TTLL5: variants seen among roughly 807,000 people sequenced by gnomAD.
TTLL5 encodes the protein tubulin polyglutamylase TTLL5.
TTLL5 carries 132 observed loss-of-function variants against 168.4 expected under a neutral mutation model. The ratio of observed to expected loss-of-function variants is 0.78; its 90% CI spans 0.68 to 0.91. The LOEUF is 0.91. Ranked by LOEUF, TTLL5 falls within the 40% of genes least tolerant of loss-of-function variation. The probability of loss-of-function intolerance (pLI) is 0.00; values close to 1 mark genes in which losing one functional copy is unlikely to be tolerated. For missense variants in TTLL5, 1,545 were observed against 1,581.5 expected, an observed-to-expected ratio of 0.98 and a Z score of 0.39; for synonymous variants, 546 against 558.6, an observed-to-expected ratio of 0.98 and a Z score of 0.32.
intron 31 of TTLL5, among the ~76,000 whole-genome samples, chr14:75,905,858 T>C (rs1245193180): frequency 6.6e-6 from 1 of 152,208 alleles, no homozygotes; most frequent in African/African-American, 2.4e-5. Context: ...GCCTTTCCTG[T>C]TCTGGAGCCC....
At chr14:75,741,465 G>A (rs1350261563) in intron 15 of TTLL5, among the ~76,000 whole-genome samples, 6 of 149,802 alleles carry the variant, frequency 4.0e-5, no homozygotes, top group Non-Finnish European at 8.9e-5. Context: ...AATGACTTGC[G>A]TTTGGACTGT....
intron 31 of TTLL5, among the ~76,000 whole-genome samples, chr14:75,920,177 T>C (rs956664946): frequency 6.6e-6 from 1 of 151,822 alleles, no homozygotes; most frequent in Non-Finnish European, 1.5e-5. Flanking sequence ...GCCCACAGAG[T>C]GGCAGAAATT....
At chr14:75,823,702 G>A (rs1385973186) in intron 28 of TTLL5, among the ~76,000 whole-genome samples, 2 of 152,202 alleles carry the variant, frequency 1.3e-5, no homozygotes, top group Admixed American at 6.5e-5. Flanking sequence ...TGCAGAAAGA[G>A]CACAGCTGTG....
intron 31 of TTLL5, among the ~76,000 whole-genome samples, chr14:75,937,877 G>A (rs1022809602): frequency 2.0e-5 from 3 of 152,164 alleles, no homozygotes; most frequent in Non-Finnish European, 4.4e-5. Flanking sequence ...ATACACAGAA[G>A]TGGAATTGCT....
At chr14:75,777,164 C>T (rs1891763340) in intron 23 of TTLL5, among the ~76,000 whole-genome samples, 1 of 152,194 alleles carries the variant, frequency 6.6e-6, no homozygotes, top group African/African-American at 2.4e-5. Context: ...AATTATGTTG[C>T]TATTTTCATG....
At chr14:75,891,884 G>T (rs1410057583) in intron 30 of TTLL5, among the ~76,000 whole-genome samples, 2 of 152,132 alleles carry the variant, frequency 1.3e-5, no homozygotes, top group Non-Finnish European at 2.9e-5. Context: ...CTTATGTCTT[G>T]GAGTTGTTCA....
chr14:75,894,795 T>C (rs2032573664), intron 30 of TTLL5, among the ~76,000 whole-genome samples: 1 of 152,086 alleles, frequency 6.6e-6, no homozygotes, highest in Non-Finnish European at 1.5e-5. Flanking sequence ...AATTATGAAA[T>C]ACTAATCAGA....
chr14:75,736,736 C>A (rs1019359546), intron 15 of TTLL5, among the ~76,000 whole-genome samples: 19 of 152,134 alleles, frequency 1.2e-4, no homozygotes, highest in Middle Eastern at 3.2e-3. Context: ...CTATCTATGA[C>A]CCCGTGCTGC....
In TTLL5 at chr14:75,771,826, G is replaced by A. The variant is rs1891340387; in HGVS notation, c.2108G>A (p.Ser703Asn). The A allele has an allele frequency of 6.2e-7, 1 of 1,613,862 alleles. No individual in the cohort carries two copies. Among genetic ancestry groups the A allele is most frequent in the Non-Finnish European group, 8.5e-7 (1 of 1,179,910 alleles). Residue 703 changes from serine (S) to asparagine (N), a missense_variant, in exon 21 of 32, where the codon AGT (serine) becomes AAT (asparagine). By Grantham distance (46) the Ser-to-Asn change is conservative. Transcript: ENST00000298832. ...AGTGGCGGTCAGACGTTCAGTGCCA[G>A]TTGGGCTGCCAAAGAGGATGAACAG... ...KDSGGQTFSA[S>N]WAAKEDEQME...
intron 11 of TTLL5, 69 bp from the exon 12 acceptor site, chr14:75,720,527 A>C (rs557790961): frequency 8.6e-7 from 1 of 1,158,414 alleles, no homozygotes; most frequent in Non-Finnish European, 1.3e-6. Flanking sequence ...TTATATTGTT[A>C]TCTGGAATCC....
At chr14:75,726,072 A>C (rs1888171868) in intron 12 of TTLL5, among the ~76,000 whole-genome samples, 2 of 152,214 alleles carry the variant, frequency 1.3e-5, no homozygotes, top group South Asian at 4.1e-4. Flanking sequence ...TGCCTCAGGG[A>C]CCACAGCTTC....
At chr14:75,950,767 A>C (rs951674045) in intron 31 of TTLL5, among the ~76,000 whole-genome samples, 3 of 152,148 alleles carry the variant, frequency 2.0e-5, no homozygotes, top group Non-Finnish European at 2.9e-5. Flanking sequence ...CAGGAGTTCC[A>C]GAGCAGCCTG....
intron 15 of TTLL5, among the ~76,000 whole-genome samples, chr14:75,743,706 C>T (rs987041197): frequency 2.6e-5 from 4 of 151,354 alleles, no homozygotes; most frequent in African/African-American, 4.9e-5. Flanking sequence ...CTCAGCCTCC[C>T]GAGTAGCTGG....
chr14:75,696,287 G>A (rs552776726), intron 6 of TTLL5, among the ~76,000 whole-genome samples: 4 of 151,878 alleles, frequency 2.6e-5, no homozygotes, highest in East Asian at 1.9e-4. Flanking sequence ...CTGTTTTTTC[G>A]GCTAGTCTAA....
chr14:75,776,979 G>T, intron 23 of TTLL5, 129 bp downstream of exon 23: 1 of 711,730 alleles, frequency 1.4e-6, no homozygotes, highest in Non-Finnish European at 2.3e-6. Flanking sequence ...GGGCACAGTG[G>T]CACACCCCTT....
At chr14:75,869,013 A>AGAGT (rs1439651571) in intron 29 of TTLL5, among the ~76,000 whole-genome samples, 1 of 124,418 alleles carries the variant, frequency 8.0e-6, no homozygotes, top group African/African-American at 3.1e-5. Context: ...AGAGGGGAGG[A>AGAGT]GTGTGTGTGT....
chr14:75,665,975 T>C (rs1487506103), intron 2 of TTLL5, among the ~76,000 whole-genome samples: 2 of 152,252 alleles, frequency 1.3e-5, no homozygotes, highest in African/African-American at 4.8e-5. Context: ...CTAGTAAAAG[T>C]TAGTGAAAAT....
At chr14:75,817,402 G>A (rs1229415903) in intron 27 of TTLL5, among the ~76,000 whole-genome samples, 2 of 152,092 alleles carry the variant, frequency 1.3e-5, no homozygotes, top group African/African-American at 4.8e-5. Context: ...ACACTAGAGG[G>A]TGCAGCCTCC....
chr14:75,836,715 A>T (rs1197693231), intron 28 of TTLL5, among the ~76,000 whole-genome samples: 1 of 152,192 alleles, frequency 6.6e-6, no homozygotes, highest in African/African-American at 2.4e-5. Flanking sequence ...AAATAAAAAT[A>T]AAATATATGT....
Sources: allele counts gnomAD v4.1 joint callset (sites outside exome capture counted in the v4.1 genomes callset), GRCh38; gene constraint gnomAD v4.1.1; transcripts MANE v1.5; gene names NCBI Gene and HGNC (gene_info 2026-07-23, HGNC 2026-07-21).